The following ZNF219 variants were observed in gnomAD, a reference collection of about 807,000 sequenced individuals.
ZNF219 encodes zinc finger protein 219.
In ZNF219, 17 loss-of-function variants were observed where a neutral mutation model predicts 54.4. The ratio of observed to expected loss-of-function variants is 0.31; its 90% CI spans 0.21 to 0.47. The LOEUF (loss-of-function observed/expected upper bound fraction) is 0.47. Among genes scored for constraint, ZNF219 ranks in the 20% least tolerant of loss-of-function variants. ZNF219 has a pLI of 1.00. For missense variants in ZNF219, 1,014 were observed against 1,062.3 expected (o/e 0.95, Z 0.63); for synonymous variants, 518 against 476.4 (o/e 1.09, Z -1.14).
chr14:21,103,640 T>G (rs183654633), upstream of ZNF219: 10 of 193,668 alleles, frequency 5.2e-5, no homozygotes, highest in East Asian at 1.6e-3. Flanking sequence ...TCCATCTCCT[T>G]TCTACTGTAG....
At position 21,092,469 on chromosome 14, in the gene ZNF219, G is replaced by A. The variant is rs1224121762; in HGVS notation, c.828C>T (p.Cys276=). ...EEPPAPPEFR[C]QVCGQSFTQS... Reference sequence around the variant, plus strand: ...GTGTAAAGCTCTGGCCGCACACTTGGCAGCGGAACTCCGGAGGCGCTGGGG... The same window carrying A: ...GTGTAAAGCTCTGGCCGCACACTTGACAGCGGAACTCCGGAGGCGCTGGGG... Residue 276 remains cysteine, a synonymous_variant, in exon 3 of 5, where the codon TGC becomes TGT. Transcript: ENST00000360947. The A allele has an allele frequency of 2.6e-6, 4 of 1,556,418 alleles. No homozygotes were observed. Among genetic ancestry groups the A allele is most frequent in the Non-Finnish European group, 2.6e-6 (3 of 1,150,124 alleles).
At position 21,092,468 on chromosome 14, in the gene ZNF219, GGC is replaced by G; in HGVS notation, c.827_828del (p.Cys276SerfsTer19). On this transcript the variant is annotated frameshift_variant, in exon 3 of 5. Transcript: ENST00000360947. LOFTEE classifies it high-confidence loss of function. ...EEPPAPPEFRCQVCGQSFTQS... is the reference protein window; with the variant it reads ...EEPPAPPEFRXQVCGQSFTQS... ...TGTGTAAAGCTCTGGCCGCACACTT[GGC>G]AGCGGAACTCCGGAGGCGCTGGGGG... The G allele has an allele frequency of 6.4e-7, 1 of 1,556,622 alleles. No homozygotes were observed. Among genetic ancestry groups the G allele is most frequent in the Non-Finnish European group, 8.7e-7 (1 of 1,150,234 alleles).
In ZNF219 at chr14:21,091,518, C is replaced by A; in HGVS notation, c.1457G>T (p.Gly486Val). The change falls in exon 4 of 5, where the codon GGG (glycine) becomes GTG (valine). Residue 486 changes from glycine to valine, a missense_variant. By Grantham distance (109) the Gly-to-Val change is moderately radical. Transcript: ENST00000360947. ...TQEENGLLVGGTRPEGGRGAT... is the reference protein window; with the variant it reads ...TQEENGLLVGVTRPEGGRGAT... Reference sequence around the variant, plus strand: ...GCCCCGGCCCCCTTCAGGCCGGGTCCCTCCAACCAACAGCCCATTCTCTTC... The same window carrying A: ...GCCCCGGCCCCCTTCAGGCCGGGTCACTCCAACCAACAGCCCATTCTCTTC... 1 of 1,606,840 alleles carries A rather than the reference C, an allele frequency of 6.2e-7. No homozygotes were observed. The highest frequency in any genetic ancestry group is 8.5e-7 in the Non-Finnish European group (1 of 1,174,676).
In ZNF219 at chr14:21,092,758, C is replaced by T; in HGVS notation, c.539G>A (p.Arg180His). Reference sequence around the variant, plus strand: ...GGGCCTATGCAGGATGTGCAGGTGGCGTTCGCGCTCCGCCGAGGTGCGAAA... The same window carrying T: ...GGGCCTATGCAGGATGTGCAGGTGGTGTTCGCGCTCCGCCGAGGTGCGAAA... The part of the protein sequence containing the change: ...GKFRTSAERE[R>H]HLHILHRPWK... Residue 180 changes from arginine to histidine, a missense_variant, in exon 3 of 5, where the codon CGC becomes CAC. Arg to His is a conservative substitution (Grantham distance 29). Transcript: ENST00000360947. The T allele has an allele frequency of 6.3e-7, 1 of 1,579,664 alleles. No individual in the cohort carries two copies.
At chr14:21,102,917 T>A (rs1889739144), upstream of ZNF219, 1 of 1,390,292 alleles carries the variant, frequency 7.2e-7, no homozygotes, top group African/African-American at 1.5e-5. Flanking sequence ...CTGATTGGCT[T>A]TCTCTGGCTT....
chr14:21,090,336 T>G lies in ZNF219; in HGVS notation c.*200A>C. The stretch of plus-strand genomic sequence containing the variant: ...CTTTGACCCTCACCTCTGCCACTTC[T>G]AAGGCACTGTGACTCCCTTGGGCTG... On this transcript the variant is annotated 3_prime_UTR_variant, in exon 5 of 5. Transcript: ENST00000360947. The surrounding 1 kb of genome is among the most constrained non-coding windows in gnomAD (Gnocchi z 4.4). 1 of 752,914 alleles carries G rather than the reference T, an allele frequency of 1.3e-6. No homozygotes were observed. The highest frequency in any genetic ancestry group is 1.5e-5 in the South Asian group (1 of 66,034). The allele number at this position is 752,914 out of a possible 1,614,324, so 46.6% of individuals were successfully genotyped here.
rs1888733011 is a variant in ZNF219, at chr14:21,090,388, A to ACGCCCGC, written c.*141_*147dup. ...GTGGGTACCGCCAGCCCACCCTCCT[A>ACGCCCGC]CGCCCGCCGCGCCTTCCACCTCTGG... On this transcript the variant is annotated 3_prime_UTR_variant, in exon 5 of 5. Transcript: ENST00000360947. The surrounding 1 kb of genome is among the most constrained non-coding windows in gnomAD (Gnocchi z 4.4). The ACGCCCGC allele has an allele frequency of 1.8e-6, 2 of 1,117,742 alleles. No homozygotes were observed. Among genetic ancestry groups the ACGCCCGC allele is most frequent in the African/African-American group, 1.6e-5 (1 of 63,858 alleles). 69.2% of individuals were successfully genotyped at this position (1,117,742 alleles called of 1,614,324 possible). A position where few individuals can be genotyped will look rare whatever the true frequency, so the allele number is the denominator to read the frequency against.
In ZNF219 at chr14:21,093,596, C is replaced by A. The variant is rs758329000; in HGVS notation, c.-5G>T. 31 of 1,613,902 alleles carry A rather than the reference C, an allele frequency of 1.9e-5. No individual in the cohort carries two copies. The South Asian group carries it at 3.0e-4, about 15-fold the overall frequency. On this transcript the variant is annotated 5_prime_UTR_variant, in exon 2 of 5. Transcript: ENST00000360947. ...CAGAGCTTCACTCACCTCCATGGAC[C>A]CCCTTCACATTCTTTGGTTCTGGGA...
At position 21,093,788 on chromosome 14, in the gene ZNF219, C is replaced by T. The variant is rs73589936; in HGVS notation, c.-83-114G>A. 3.6e-3 allele frequency: 3,518 copies of T among 985,878 alleles called. 79 individuals carry two copies. In the African/African-American group the frequency reaches 0.05, roughly 14 times the overall value. The allele number at this position is 985,878 out of a possible 1,614,324, so 61.1% of individuals were successfully genotyped here. A position where few individuals can be genotyped will look rare whatever the true frequency, so the allele number is the denominator to read the frequency against. ...TATTCCCAAAACCAATCCATTCTCC[C>T]TACTTGCTTCTTGAGGCACGAAGGG... On this transcript the variant is annotated intron_variant, in intron 1 of 4. Coordinates refer to ENST00000360947, the MANE Select transcript of ZNF219 (RefSeq NM_016423.3).
chr14:21,095,996 G>A (rs1343145143), intron 1 of ZNF219, among the ~76,000 whole-genome samples: 1 of 128,732 alleles, frequency 7.8e-6, no homozygotes, highest in Non-Finnish European at 1.6e-5. Flanking sequence ...CTGGTGTACA[G>A]CCAATCTGGT....
At chr14:21,093,807 C>T in intron 1 of ZNF219, 133 bp from the exon 2 acceptor site, 1 of 777,476 alleles carries the variant, frequency 1.3e-6, no homozygotes, top group Non-Finnish European at 2.1e-6. Flanking sequence ...TCTTGAGGCA[C>T]GAAGGGGCTG....
intron 1 of ZNF219, chr14:21,094,453 C>G (rs1426162414): frequency 1.1e-5 from 5 of 455,400 alleles, no homozygotes; most frequent in South Asian, 7.7e-5. Flanking sequence ...GCATCTGAGC[C>G]CCTTTGTCCA....
At chr14:21,091,169 G>T in intron 4 of ZNF219, 29 bp from the exon 5 acceptor site, 1 of 1,587,224 alleles carries the variant, frequency 6.3e-7, no homozygotes, top group Admixed American at 1.8e-5. Context: ...ATAGGGTCAC[G>T]GGGTCACGAT....
chr14:21,099,622 G>A (rs573051402), upstream of ZNF219, among the ~76,000 whole-genome samples: 9 of 152,340 alleles, frequency 5.9e-5, no homozygotes, highest in East Asian at 1.3e-3. Context: ...GTCTTCTGGC[G>A]CAGTCTCCTC....
Position 21,098,436 on chromosome 14 carries a change from G to A in ZNF219, c.-208C>T, listed in dbSNP as rs1889432924. On this transcript the variant is annotated 5_prime_UTR_variant, in exon 1 of 5. Transcript: ENST00000360947. ...AGATGCGCCGGGCCCCGGCCCCCCC[G>A]CCCCCGGCCCGGCCCCCGCCCCCTC... 2.1e-5 allele frequency: 11 copies of A among 518,370 alleles called. No individual in the cohort carries two copies. The highest frequency in any genetic ancestry group is 2.7e-5 in the Non-Finnish European group (11 of 408,394). 32.1% of individuals were successfully genotyped at this position (518,370 alleles called of 1,614,324 possible).
Position 21,090,695 on chromosome 14 carries a change from G to A in ZNF219, c.2010C>T (p.Ser670=), listed in dbSNP as rs754413973. Residue 670 remains serine, a synonymous_variant, in exon 5 of 5, where the codon AGC becomes AGT. Transcript: ENST00000360947. This position sits in a 1 kb window ranked among gnomAD's most constrained non-coding sequence, Gnocchi z 4.4. ...LMALHLQVHH[S]RRARGRRPPQ... is the part of the protein sequence containing the mutation. Reference sequence around the variant, plus strand: ...GTGGCCGGCGGCCCCTAGCCCGGCGGCTGTGGTGCACTTGAAGGTGCAAGG... The same window carrying A: ...GTGGCCGGCGGCCCCTAGCCCGGCGACTGTGGTGCACTTGAAGGTGCAAGG... The A allele has an allele frequency of 1.2e-6, 2 of 1,611,144 alleles. No individual in the cohort carries two copies. Among genetic ancestry groups the A allele is most frequent in the African/African-American group, 1.3e-5 (1 of 74,926 alleles).
chr14:21,100,532 G>T (rs1889566803), upstream of ZNF219, among the ~76,000 whole-genome samples: 1 of 150,116 alleles, frequency 6.7e-6, no homozygotes, highest in Admixed American at 6.6e-5. Flanking sequence ...TGAGGACCAT[G>T]AGATAGATAG....
chr14:21,098,422 G>GC lies in ZNF219; in HGVS notation c.-195dup. 8.5e-6 allele frequency: 5 copies of GC among 587,626 alleles called. No individual in the cohort carries two copies. The highest frequency in any genetic ancestry group is 2.1e-5 in the African/African-American group (1 of 47,480). The allele number at this position is 587,626 out of a possible 1,614,324, so 36.4% of individuals were successfully genotyped here. A position where few individuals can be genotyped will look rare whatever the true frequency, so the allele number is the denominator to read the frequency against. Reference sequence around the variant, plus strand: ...CGTGGGGCCGGGGGAGATGCGCCGGGCCCCGGCCCCCCCGCCCCCGGCCCG... The same window carrying GC: ...CGTGGGGCCGGGGGAGATGCGCCGGGCCCCCGGCCCCCCCGCCCCCGGCCCG... On this transcript the variant is annotated 5_prime_UTR_variant, in exon 1 of 5. The change creates a premature stop within an existing upstream ORF in the 5' untranslated region. Transcript: ENST00000360947.
intron 1 of ZNF219, among the ~76,000 whole-genome samples, chr14:21,094,910 T>C (rs1447728426): frequency 3.6e-4 from 1 of 2,790 alleles, no homozygotes; most frequent in African/African-American, 0.012. Context: ...GTCTAACCTT[T>C]TTTTTTTTTT....
Sources: gnomAD v4.1 joint callset for allele counts (sites outside exome capture counted in the v4.1 genomes callset) on GRCh38, gnomAD v4.1.1 for gene constraint, Gnocchi (gnomAD v3.1) non-coding constraint, MANE v1.5 for transcripts, NCBI Gene and HGNC (gene_info 2026-07-23, HGNC 2026-07-21) for gene names.